The following XPNPEP2 variants were observed in gnomAD, a reference collection of about 807,000 sequenced individuals.
XPNPEP2 encodes X-prolyl aminopeptidase 2.
In XPNPEP2, 64 loss-of-function variants were observed where a neutral mutation model predicts 59.8. The observed-to-expected ratio is 1.07, with a 90% CI of 0.87 to 1.32. The LOEUF is 1.32. Among genes scored for constraint, XPNPEP2 ranks in the 40% most tolerant of loss-of-function variants. The probability of loss-of-function intolerance (pLI) is 0.00; values close to 1 mark genes in which losing one functional copy is unlikely to be tolerated. For synonymous variants in XPNPEP2, 235 were observed against 210.0 expected (o/e 1.12, Z -1.03); for missense variants, 575 against 546.8 (o/e 1.05, Z -0.51).
intron 14 of XPNPEP2, among the ~76,000 whole-genome samples, chrX:129,758,498 A>C (rs1451902400): frequency 9.0e-6 from 1 of 111,550 alleles, no homozygotes; most frequent in East Asian, 2.8e-4. Context: ...CAACTGCTGC[A>C]GCTGGGAGTT....
chrX:129,752,260 G>T lies in XPNPEP2; in HGVS notation c.932G>T (p.Ser311Ile). 1.6e-6 allele frequency: 2 copies of T among 1,212,127 alleles called. No homozygotes were observed. The highest frequency in any genetic ancestry group is 2.2e-6 in the Non-Finnish European group (2 of 895,579). The change falls in exon 10 of 21, where the codon AGC (serine) becomes ATC (isoleucine). Residue 311 changes from serine to isoleucine, a missense_variant. Coordinates refer to ENST00000371106, the MANE Select transcript of XPNPEP2 (RefSeq NM_003399.6). Reference sequence around the variant, plus strand: ...GAGGATTACAGCCAAGTTCGTGACAGCATCCAGGCCTACTCATTGGGAGAT... The same window carrying T: ...GAGGATTACAGCCAAGTTCGTGACATCATCCAGGCCTACTCATTGGGAGAT... ...QIEDYSQVRD[S>I]IQAYSLGDVR...
intron 13 of XPNPEP2, 103 bp downstream of exon 13, chrX:129,755,474 C>A: frequency 1.2e-6 from 1 of 826,371 alleles, no homozygotes; most frequent in Non-Finnish European, 1.8e-6. Context: ...CCTGAGTCCA[C>A]GTTGAAGGTC....
chrX:129,760,416 C>A, intron 15 of XPNPEP2, 96 bp from the exon 16 acceptor site: 1 of 925,125 alleles, frequency 1.1e-6, no homozygotes, highest in Non-Finnish European at 1.5e-6. Flanking sequence ...CACACCCAGG[C>A]CTGGGCCCTG....
chrX:129,754,056 A>T (rs900171652), intron 11 of XPNPEP2, among the ~76,000 whole-genome samples: 1 of 112,156 alleles, frequency 8.9e-6, no homozygotes, highest in African/African-American at 3.2e-5. Context: ...AAACCACCTC[A>T]TTTAAAAAAA....
At position 129,756,470 on chromosome X, in the gene XPNPEP2, T is replaced by G. The variant is rs374440291; in HGVS notation, c.1296-14T>G. 7.4e-6 allele frequency: 9 copies of G among 1,208,295 alleles called. No homozygotes were observed. Among genetic ancestry groups the G allele is most frequent in the Non-Finnish European group, 8.9e-6 (8 of 894,166 alleles). ...GGTTAGGCTGCCCTTCTCAACATTC[T>G]CTCCCCTTCTCAGCCCGACCAAGGA... On this transcript the variant is annotated splice_polypyrimidine_tract_variant and intron_variant, in intron 13 of 20. Transcript: ENST00000371106.
At position 129,762,756 on chromosome X, in the gene XPNPEP2, G is replaced by C. The variant is rs754528516; in HGVS notation, c.1726G>C (p.Glu576Gln). Residue 576 changes from glutamate to glutamine, a missense_variant, in exon 19 of 21, where the codon GAA becomes CAA. By Grantham distance (29) the Glu-to-Gln change is conservative. Transcript: ENST00000371106. ...IRLEDVALVV[E>Q]AKTKYPGSYL... Reference sequence around the variant, plus strand: ...TCTCGAAGATGTGGCTCTCGTGGTAGAAGCAAAGACCAAGGTAAACTGCCA... The same window carrying C: ...TCTCGAAGATGTGGCTCTCGTGGTACAAGCAAAGACCAAGGTAAACTGCCA... 1.7e-6 allele frequency: 2 copies of C among 1,211,744 alleles called. No individual in the cohort carries two copies. Among genetic ancestry groups the C allele is most frequent in the East Asian group, 5.9e-5 (2 of 33,877 alleles).
At chrX:129,759,011 T>A (rs985801658) in intron 14 of XPNPEP2, among the ~76,000 whole-genome samples, 169 bp from the exon 15 acceptor site, 11 of 111,965 alleles carry the variant, frequency 9.8e-5, no homozygotes, top group Non-Finnish European at 2.1e-4. Context: ...TGCAGAGGCC[T>A]TTCACACATA....
In XPNPEP2 at chrX:129,767,629, A is replaced by G. The variant is rs1424891306; in HGVS notation, c.1767A>G (p.Glu589=). 8.3e-7 allele frequency: 1 copy of G among 1,211,454 alleles called. No individual in the cohort carries two copies. Among genetic ancestry groups the G allele is most frequent in the Admixed American group, 2.2e-5 (1 of 46,050 alleles). Residue 589 remains glutamate, a synonymous_variant, in exon 20 of 21, where the codon GAA becomes GAG. Coordinates refer to ENST00000371106, the MANE Select transcript of XPNPEP2 (RefSeq NM_003399.6). ...TKYPGSYLTF[E]VVSFVPYDRN... is the part of the protein sequence containing the mutation. ...ACCCAGGGAGCTACCTGACCTTTGA[A>G]GTGGTATCATTTGTGCCCTATGACC... is the stretch of plus-strand genomic sequence containing the variant.
At position 129,747,602 on chromosome X, in the gene XPNPEP2, T is replaced by C. The variant is rs1200976919; in HGVS notation, c.491-5T>C. Reference sequence around the variant, plus strand: ...GGGACAAGTGACTCCTTCTTGTCTCTGCAGACACCTGGGAGAGTTATGATC... The same window carrying C: ...GGGACAAGTGACTCCTTCTTGTCTCCGCAGACACCTGGGAGAGTTATGATC... On this transcript the variant is annotated splice_region_variant and splice_polypyrimidine_tract_variant and intron_variant, in intron 6 of 20. Coordinates refer to ENST00000371106, the MANE Select transcript of XPNPEP2 (RefSeq NM_003399.6). The C allele has an allele frequency of 1.7e-6, 2 of 1,209,528 alleles. No individual in the cohort carries two copies. The highest frequency in any genetic ancestry group is 3.5e-5 in the African/African-American group (2 of 57,325).
intron 8 of XPNPEP2, among the ~76,000 whole-genome samples, chrX:129,751,535 G>GAAGAAAGAAAGA (rs1178245774): frequency 1.2e-3 from 62 of 50,854 alleles, no homozygotes; most frequent in South Asian, 2.7e-3. Context: ...AGAAAGAAAG[G>GAAGAAAGAAAGA]AAGAAAGAAA....
In XPNPEP2 at chrX:129,767,695, G is replaced by A; in HGVS notation, c.1830+3G>A. The A allele has an allele frequency of 2.5e-6, 3 of 1,210,915 alleles. No homozygotes were observed. Among genetic ancestry groups the A allele is most frequent in the Non-Finnish European group, 3.4e-6 (3 of 894,840 alleles). On this transcript the variant is annotated splice_donor_region_variant and intron_variant, in intron 20 of 20. Coordinates refer to ENST00000371106, the MANE Select transcript of XPNPEP2 (RefSeq NM_003399.6). ...TCAGCCTGCTGTCTCCCGAGCATGT[G>A]AGTGCCCCTCAGCATTGCCTTCTCC...
At position 129,739,124 on chromosome X, in the gene XPNPEP2, C is replaced by T. The variant is rs742248; in HGVS notation, c.-90C>T. The T allele has an allele frequency of 3.2e-3, 3,159 of 991,730 alleles. 66 individuals are homozygous for T. The African/African-American group carries it at 0.052, about 16-fold the overall frequency. The allele number at this position is 991,730 out of a possible 1,213,427, so 81.7% of individuals were successfully genotyped here. A position where few individuals can be genotyped will look rare whatever the true frequency, so the allele number is the denominator to read the frequency against. Reference sequence around the variant, plus strand: ...CCCCCACCCTCTGTCTGCTCGAGCCCAGGAAAGGCCTGAAGGAAGAGGCCG... The same window carrying T: ...CCCCCACCCTCTGTCTGCTCGAGCCTAGGAAAGGCCTGAAGGAAGAGGCCG... On this transcript the variant is annotated 5_prime_UTR_variant, in exon 1 of 21. Coordinates refer to ENST00000371106, the MANE Select transcript of XPNPEP2 (RefSeq NM_003399.6).
chrX:129,751,334 G>A (rs772113330), intron 8 of XPNPEP2, among the ~76,000 whole-genome samples: 1 of 107,971 alleles, frequency 9.3e-6, no homozygotes, highest in Non-Finnish European at 1.9e-5. Context: ...ATGTTGAAAC[G>A]CCGTCTCTAC....
chrX:129,746,669 C>T lies in XPNPEP2; in HGVS notation c.478C>T (p.Leu160Phe). The change falls in exon 6 of 21, where the codon CTC (leucine) becomes TTC (phenylalanine). Residue 160 changes from leucine (L) to phenylalanine (F), a missense_variant. Leu to Phe is a conservative substitution (Grantham distance 22). Transcript: ENST00000371106. ...AGGRVGFDPF[L>F]LSIDTWESYD... ...AGGGCGTGTGGGTTTTGACCCCTTC[C>T]TCTTGTCCATTGGTATGCTCTTCCT... The T allele has an allele frequency of 8.3e-7, 1 of 1,209,697 alleles. No individual in the cohort carries two copies. The highest frequency in any genetic ancestry group is 1.8e-5 in the South Asian group (1 of 56,862).
At position 129,746,697 on chromosome X, in the gene XPNPEP2, A is replaced by T; in HGVS notation, c.490+16A>T. On this transcript the variant is annotated intron_variant, in intron 6 of 20. Coordinates refer to ENST00000371106, the MANE Select transcript of XPNPEP2 (RefSeq NM_003399.6). ...TTGTCCATTGGTATGCTCTTCCTTC[A>T]GTCCCTGAATTTGTCCATGCTAACG... is the stretch of plus-strand genomic sequence containing the variant. 8.4e-7 allele frequency: 1 copy of T among 1,197,347 alleles called. No homozygotes were observed. Among genetic ancestry groups the T allele is most frequent in the Non-Finnish European group, 1.1e-6 (1 of 883,148 alleles).
rs1926682242 is a variant in XPNPEP2, at chrX:129,762,783, C to T, written c.1740+13C>T. On this transcript the variant is annotated intron_variant, in intron 19 of 20. Coordinates refer to ENST00000371106, the MANE Select transcript of XPNPEP2 (RefSeq NM_003399.6). ...AGCAAAGACCAAGGTAAACTGCCACCAGGATGGGCTGGAGGTGTGGGCAGC... is the reference window on the plus strand; with the variant it reads ...AGCAAAGACCAAGGTAAACTGCCACTAGGATGGGCTGGAGGTGTGGGCAGC... The T allele has an allele frequency of 5.0e-6, 6 of 1,203,148 alleles. No individual in the cohort carries two copies. Among genetic ancestry groups the T allele is most frequent in the Non-Finnish European group, 6.8e-6 (6 of 887,572 alleles).
At chrX:129,742,217 GGCCCCACGCACCCCCCCACCCCT>G (rs1217135539) in intron 2 of XPNPEP2, 36 bp downstream of exon 2, 9 of 821,550 alleles carry the variant, frequency 1.1e-5, no homozygotes, top group Admixed American at 7.3e-5. Context: ...CGGCCCCCCT[GGCCCCACGCACCCCCCCACCCCT>G]GCCCCACGCA....
In XPNPEP2 at chrX:129,765,154, CCTTA is replaced by C. The variant is rs1330167382; in HGVS notation, c.1740+2389_1740+2392del. 7.2e-5 allele frequency among the ~76,000 whole-genome samples: 8 copies of C among 111,850 alleles called. No homozygotes were observed. The South Asian group carries it at 1.1e-3, about 16-fold the overall frequency. On this transcript the variant is annotated intron_variant, in intron 19 of 20. Transcript: ENST00000371106. The stretch of plus-strand genomic sequence containing the variant: ...CACCTTCCTTCCCTGCCCCGCTGCC[CCTTA>C]CTTAATAGTAAACCTAGGAGAGTGG...
In XPNPEP2 at chrX:129,760,530, C is replaced by T. The variant is rs776210978; in HGVS notation, c.1447C>T (p.Leu483=). Residue 483 remains leucine (L), a synonymous_variant, in exon 16 of 21, where the codon CTG becomes TTG. Transcript: ENST00000371106. ...CCATCAGGAGGCATACACCCGTGTG[C>T]TGATAGGAAATATTGACCTGTCCAG... is the stretch of plus-strand genomic sequence containing the variant. ...AFQKEAYTRV[L]IGNIDLSRLI... 1.9e-5 allele frequency: 23 copies of T among 1,210,584 alleles called. No homozygotes were observed. In the Admixed American group the frequency reaches 4.8e-4, roughly 25 times the overall value.
Sources: allele counts gnomAD v4.1 joint callset (sites outside exome capture counted in the v4.1 genomes callset), GRCh38; gene constraint gnomAD v4.1.1; transcripts MANE v1.5; gene names NCBI Gene and HGNC (gene_info 2026-07-23, HGNC 2026-07-21).